The following FMN1 variants were observed in gnomAD, a reference collection of about 807,000 sequenced individuals.
The protein encoded by FMN1 is formin 1, also known as formin-1.
FMN1 carries 110 observed loss-of-function variants against 132.4 expected under a neutral mutation model. The observed-to-expected ratio is 0.83, with a 90% CI of 0.71 to 0.97. FMN1 has a LOEUF of 0.97. Ranked by LOEUF, FMN1 falls within the 50% of genes least tolerant of loss-of-function variation. The probability of loss-of-function intolerance (pLI) is 0.00; values close to 1 mark genes in which losing one functional copy is unlikely to be tolerated. For missense variants in FMN1, 1,792 were observed against 1,705.3 expected, an observed-to-expected ratio of 1.05 and a Z score of -0.90; for synonymous variants, 722 against 651.7, an observed-to-expected ratio of 1.11 and a Z score of -1.64.
intron 13 of FMN1, among the ~76,000 whole-genome samples, chr15:32,900,761 T>A (rs921698993): frequency 1.3e-5 from 2 of 152,258 alleles, no homozygotes; most frequent in African/African-American, 4.8e-5. Context: ...CTCATTTGTT[T>A]GTCCTTTTAT....
intron 10 of FMN1, among the ~76,000 whole-genome samples, chr15:32,919,590 A>G (rs1019962091): frequency 1.3e-5 from 2 of 152,228 alleles, no homozygotes; most frequent in African/African-American, 4.8e-5. Context: ...ATATTTTATA[A>G]CATGCATATT....
At chr15:33,066,098 T>G (rs1413043378) in intron 5 of FMN1, among the ~76,000 whole-genome samples, 6 of 152,200 alleles carry the variant, frequency 3.9e-5, no homozygotes, top group African/African-American at 1.4e-4. Context: ...ACACATATTT[T>G]GTCAAATGGC....
chr15:33,068,381 T>C (rs1482756783), intron 5 of FMN1, among the ~76,000 whole-genome samples: 20 of 152,164 alleles, frequency 1.3e-4, no homozygotes, highest in Admixed American at 1.2e-3. Flanking sequence ...ACTTAGCCAC[T>C]GCCCAGAGCA....
At chr15:33,015,733 T>G (rs2035007873) in intron 6 of FMN1, among the ~76,000 whole-genome samples, 1 of 152,342 alleles carries the variant, frequency 6.6e-6, no homozygotes, top group African/African-American at 2.4e-5. Context: ...CTCTGAATTA[T>G]ACTTGGACGA....
chr15:32,994,504 GACCCCA>G, intron 7 of FMN1, among the ~76,000 whole-genome samples: 1 of 152,064 alleles, frequency 6.6e-6, no homozygotes, highest in East Asian at 1.9e-4. Context: ...ATCTTAATTA[GACCCCA>G]TCAGAGCAGC....
At position 32,963,627 on chromosome 15, in the gene FMN1, C is replaced by T. The variant is rs1021118562; in HGVS notation, c.3138+480G>A. Among the ~76,000 whole-genome samples the T allele has an allele frequency of 2.0e-5, 3 of 152,254 alleles. No individual in the cohort carries two copies. The East Asian group carries it at 5.8e-4, about 29-fold the overall frequency. ...CTGCAGGCCTGGAACAAATGCCTAG[C>T]ATGGTAAACCCCTAGGAAATACTTG... On this transcript the variant is annotated intron_variant, in intron 9 of 20. Coordinates refer to ENST00000616417, the MANE Select transcript of FMN1 (RefSeq NM_001277313.2).
At position 32,888,161 on chromosome 15, in the gene FMN1, G is replaced by A; in HGVS notation, c.3835+11C>T. On this transcript the variant is annotated intron_variant, in intron 16 of 20. Transcript: ENST00000616417. ...TAGCTATTATCATAATAGCAGAACA[G>A]TTCCTATTACCTTCTAGTTGCCTCT... The A allele has an allele frequency of 6.3e-7, 1 of 1,598,934 alleles. No homozygotes were observed.
chr15:33,182,051 A>G (rs1965723267), intron 2 of FMN1, among the ~76,000 whole-genome samples: 1 of 152,146 alleles, frequency 6.6e-6, no homozygotes, highest in Non-Finnish European at 1.5e-5. Flanking sequence ...TGCTCTATGG[A>G]AAATAGATTG....
At chr15:33,048,074 G>GAT (rs2036773139) in intron 6 of FMN1, among the ~76,000 whole-genome samples, 1 of 151,994 alleles carries the variant, frequency 6.6e-6, no homozygotes, top group Non-Finnish European at 1.5e-5. Context: ...CTGTAGCTTT[G>GAT]GTAATCTTTG....
intron 10 of FMN1, among the ~76,000 whole-genome samples, chr15:32,924,737 T>G (rs1441120004): frequency 6.6e-6 from 1 of 152,144 alleles, no homozygotes; most frequent in Non-Finnish European, 1.5e-5. Flanking sequence ...CTGACCAACA[T>G]GGAGAAGCCC....
At chr15:33,067,143 T>G (rs1454964582) in intron 5 of FMN1, 1 of 1,614,018 alleles carries the variant, frequency 6.2e-7, no homozygotes. Context: ...GAATTCTGGT[T>G]TGTTACTGCA....
At chr15:32,832,703 G>A (rs1434513060) in intron 17 of FMN1, among the ~76,000 whole-genome samples, 7 of 152,036 alleles carry the variant, frequency 4.6e-5, no homozygotes, top group South Asian at 2.1e-4. Context: ...GCTTGAACCC[G>A]GGAGGTGGAG....
intron 4 of FMN1, chr15:33,151,184 C>T: frequency 2.0e-6 from 3 of 1,510,950 alleles, no homozygotes; most frequent in Non-Finnish European, 2.6e-6. Flanking sequence ...AAAGTAGGGC[C>T]AATAGGAGGT....
In FMN1 at chr15:32,768,523, G is replaced by A. The variant is rs576989632; in HGVS notation, c.*5787C>T. 2.6e-5 allele frequency: 4 copies of A among 152,334 alleles called. No individual in the cohort carries two copies. The highest frequency in any genetic ancestry group is 3.9e-4 in the East Asian group (2 of 5,190). 9.4% of individuals were successfully genotyped at this position (152,334 alleles called of 1,614,324 possible). A position where few individuals can be genotyped will look rare whatever the true frequency, so the allele number is the denominator to read the frequency against. On this transcript the variant is annotated 3_prime_UTR_variant, in exon 21 of 21. Coordinates refer to ENST00000616417, the MANE Select transcript of FMN1 (RefSeq NM_001277313.2). ...TTTAAGACGTTCTCATAGTTTCAAA[G>A]GTAGAGAGCCCCTCAGTGTCTGCAC...
At chr15:32,951,289 G>T (rs2061646852) in intron 9 of FMN1, among the ~76,000 whole-genome samples, 1 of 152,130 alleles carries the variant, frequency 6.6e-6, no homozygotes, top group Admixed American at 6.6e-5. Flanking sequence ...AATACAAATA[G>T]AACTAGAAAA....
intron 7 of FMN1, chr15:32,970,914 A>C (rs1275683512): frequency 1.3e-5 from 2 of 152,218 alleles, no homozygotes; most frequent in Non-Finnish European, 2.9e-5. Flanking sequence ...AGTTTTTCGA[A>C]GGCTCATCTT....
chr15:33,113,687 C>G (rs150244920), intron 4 of FMN1, among the ~76,000 whole-genome samples: 6 of 152,104 alleles, frequency 3.9e-5, no homozygotes, highest in Non-Finnish European at 5.9e-5. Flanking sequence ...TTACTTCTCC[C>G]CCTTCTAGAC....
chr15:33,194,153 T>TGTG (rs1966181276), intron 1 of FMN1, 93 bp from the exon 2 acceptor site: 1 of 143,092 alleles, frequency 7.0e-6, no homozygotes, highest in Non-Finnish European at 1.5e-5. Context: ...GCAATCCCAT[T>TGTG]GTGGTGCTCC....
At chr15:32,777,535 A>G (rs2056469490) in intron 19 of FMN1, among the ~76,000 whole-genome samples, 3 of 116,196 alleles carry the variant, frequency 2.6e-5, no homozygotes. Context: ...CGTATAACAT[A>G]ACATTTATAT....
Sources: allele counts gnomAD v4.1 joint callset (sites outside exome capture counted in the v4.1 genomes callset), GRCh38; gene constraint gnomAD v4.1.1; transcripts MANE v1.5; gene names NCBI Gene and HGNC (gene_info 2026-07-23, HGNC 2026-07-21).